The following ANGPTL3 variants were observed in gnomAD, a reference collection of about 807,000 sequenced individuals.
ANGPTL3 encodes the protein angiopoietin like 3.
ANGPTL3 carries 51 observed loss-of-function variants against 52.7 expected under a neutral mutation model. The observed-to-expected ratio is 0.97, with a 90% confidence interval of 0.77 to 1.22. ANGPTL3 has a LOEUF of 1.22. Among genes scored for constraint, ANGPTL3 ranks in the 50% most tolerant of loss-of-function variants. The probability of loss-of-function intolerance (pLI) is 0.00; values close to 1 mark genes in which losing one functional copy is unlikely to be tolerated. For synonymous variants in ANGPTL3, 185 were observed against 179.8 expected (o/e 1.03, Z -0.23); for missense variants, 506 against 520.7 (o/e 0.97, Z 0.27).
Position 62,604,614 on chromosome 1 carries a change from G to A in ANGPTL3, c.1199-19G>A, listed in dbSNP as rs1274142655. 1.2e-6 allele frequency: 2 copies of A among 1,610,908 alleles called. No individual in the cohort carries two copies. Among genetic ancestry groups the A allele is most frequent in the Non-Finnish European group, 1.7e-6 (2 of 1,177,388 alleles). Reference sequence around the variant, plus strand: ...CATACGAGTCTGTACCCATTAAATTGCATATCTATCTCCTTTAGGAGGCTG... The same window carrying A: ...CATACGAGTCTGTACCCATTAAATTACATATCTATCTCCTTTAGGAGGCTG... On this transcript the variant is annotated intron_variant, in intron 6 of 6. Coordinates refer to ENST00000371129, the MANE Select transcript of ANGPTL3 (RefSeq NM_014495.4).
rs1650164895 is a variant in ANGPTL3 at position 62,601,822 on chromosome 1, ATGT to A, written c.776_778del (p.Met259_Tyr260delinsAsn). 6.2e-7 allele frequency: 1 copy of A among 1,610,302 alleles called. No individual in the cohort carries two copies. Among genetic ancestry groups the A allele is most frequent in the African/African-American group, 1.3e-5 (1 of 74,774 alleles). On this transcript the variant is annotated inframe_deletion, in exon 4 of 7. Transcript: ENST00000371129. ...TAACAGAGGTGAACATACAAGTGGC[ATGT>A]ATGCCATCAGACCCAGCAACTCTCA...
intron 3 of ANGPTL3, among the ~76,000 whole-genome samples, 173 bp from the exon 4 acceptor site, chr1:62,601,596 A>C (rs1650130610): frequency 6.6e-6 from 1 of 151,696 alleles, no homozygotes; most frequent in South Asian, 2.1e-4. Flanking sequence ...GTTTGGTAAG[A>C]TGATTCTTAC....
intron 2 of ANGPTL3, 79 bp downstream of exon 2, chr1:62,598,885 C>G (rs1649693647): frequency 3.5e-6 from 3 of 868,104 alleles, no homozygotes; most frequent in Non-Finnish European, 5.7e-6. Context: ...TATTTACAAG[C>G]TTTAACTGGA....
At chr1:62,598,426 T>C (rs1649614909) in intron 1 of ANGPTL3, among the ~76,000 whole-genome samples, 1 of 151,976 alleles carries the variant, frequency 6.6e-6, no homozygotes, top group Non-Finnish European at 1.5e-5. Flanking sequence ...ATACAGTAAA[T>C]GGAAAAGATT....
intron 2 of ANGPTL3, among the ~76,000 whole-genome samples, chr1:62,599,466 T>C (rs1318766080): frequency 6.6e-6 from 1 of 152,034 alleles, no homozygotes; most frequent in Admixed American, 6.6e-5. Context: ...CCTGGTCCCA[T>C]CCCTGAAAAC....
Position 62,597,806 on chromosome 1 carries a change from G to C in ANGPTL3, c.240G>C (p.Gln80His). ...TTCAAAAACTCAACATATTTGATCA[G>C]TCTTTTTATGATCTATCGCTGCAAA... ...DIFQKLNIFD[Q>H]SFYDLSLQTS... Residue 80 changes from glutamine to histidine, a missense_variant, in exon 1 of 7, where the codon CAG becomes CAC. Coordinates refer to ENST00000371129, the MANE Select transcript of ANGPTL3 (RefSeq NM_014495.4). 6.2e-7 allele frequency: 1 copy of C among 1,613,372 alleles called. No individual in the cohort carries two copies. The highest frequency in any genetic ancestry group is 8.5e-7 in the Non-Finnish European group (1 of 1,179,590).
Position 62,602,367 on chromosome 1 carries a change from T to C in ANGPTL3, c.918T>C (p.Phe306=), listed in dbSNP as rs993301354. 4 of 1,610,624 alleles carry C rather than the reference T, an allele frequency of 2.5e-6. No individual in the cohort carries two copies. The highest frequency in any genetic ancestry group is 3.4e-6 in the Non-Finnish European group (4 of 1,177,530). ...NETWENYKYG[F]GRLDGEFWLG... is the part of the protein sequence containing the mutation. Reference sequence around the variant, plus strand: ...CGTGGGAGAACTACAAATATGGTTTTGGGAGGCTTGATGGTAAGGGGACTA... The same window carrying C: ...CGTGGGAGAACTACAAATATGGTTTCGGGAGGCTTGATGGTAAGGGGACTA... Residue 306 remains phenylalanine, a synonymous_variant, in exon 5 of 7, where the codon TTT becomes TTC. Transcript: ENST00000371129.
Position 62,601,870 on chromosome 1 carries a change from GATGTT to G in ANGPTL3, c.826_830del (p.Val276IlefsTer3). ...CTCTCAAGTTTTTCATGTCTACTGTGATGTTATATCAGGTAAAACCTGTCTAAGGA... is the reference window on the plus strand; with the variant it reads ...CTCTCAAGTTTTTCATGTCTACTGTGATATCAGGTAAAACCTGTCTAAGGA... On this transcript the variant is annotated frameshift_variant, in exon 4 of 7. Coordinates refer to ENST00000371129, the MANE Select transcript of ANGPTL3 (RefSeq NM_014495.4). LOFTEE classifies it high-confidence loss of function. 1 of 1,605,922 alleles carries G rather than the reference GATGTT, an allele frequency of 6.2e-7. No individual in the cohort carries two copies. The highest frequency in any genetic ancestry group is 8.5e-7 in the Non-Finnish European group (1 of 1,173,672).
chr1:62,597,611 T>C lies in ANGPTL3; in HGVS notation c.45T>C (p.Ile15=), dbSNP rs982453920. The change falls in exon 1 of 7, where the codon ATT becomes ATC. Residue 15 remains isoleucine, a synonymous_variant. Transcript: ENST00000371129. ...KLLLFIVPLV[I]SSRIDQDNSS... ...TTCTTTTTATTGTTCCTCTAGTTAT[T>C]TCCTCCAGAATTGATCAAGACAATT... 5.6e-6 allele frequency: 9 copies of C among 1,612,644 alleles called. No individual in the cohort carries two copies. In the African/African-American group the frequency reaches 1.2e-4, roughly 22 times the overall value.
chr1:62,602,421 T>C, intron 5 of ANGPTL3, 41 bp downstream of exon 5: 1 of 1,545,962 alleles, frequency 6.5e-7, no homozygotes, highest in Non-Finnish European at 8.9e-7. Context: ...CTTGCTAATC[T>C]ACAAATATTT....
Position 62,602,334 on chromosome 1 carries a change from C to A in ANGPTL3, c.885C>A (p.Phe295Leu), listed in dbSNP as rs753987292. Residue 295 changes from phenylalanine (F) to leucine (L), a missense_variant, in exon 5 of 7, where the codon TTC becomes TTA. Transcript: ENST00000371129. The stretch of plus-strand genomic sequence containing the variant: ...ATCGAATAGATGGATCACAAAACTT[C>A]AATGAAACGTGGGAGAACTACAAAT... ...IQHRIDGSQN[F>L]NETWENYKYG... 6.2e-7 allele frequency: 1 copy of A among 1,610,874 alleles called. No individual in the cohort carries two copies. The highest frequency in any genetic ancestry group is 8.5e-7 in the Non-Finnish European group (1 of 1,177,732).
intron 6 of ANGPTL3, 148 bp from the exon 7 acceptor site, chr1:62,604,485 G>T: frequency 1.1e-6 from 1 of 937,390 alleles, no homozygotes; most frequent in Admixed American, 2.7e-5. Context: ...TTTAAAATTG[G>T]GACTTATACA....
chr1:62,601,249 A>G, intron 3 of ANGPTL3, 53 bp downstream of exon 3: 9 of 1,218,604 alleles, frequency 7.4e-6, no homozygotes, highest in Non-Finnish European at 9.7e-6. Context: ...CAAATTCCCT[A>G]TTCTTAGGAC....
chr1:62,601,803 A>G lies in ANGPTL3; in HGVS notation c.756A>G (p.Arg252=). The change falls in exon 4 of 7, where the codon AGA becomes AGG. Residue 252 remains arginine, a synonymous_variant. Coordinates refer to ENST00000371129, the MANE Select transcript of ANGPTL3 (RefSeq NM_014495.4). ...IPAECTTIYN[R]GEHTSGMYAI... is the part of the protein sequence containing the mutation. The stretch of plus-strand genomic sequence containing the variant: ...CTGAATGTACCACCATTTATAACAG[A>G]GGTGAACATACAAGTGGCATGTATG... 1 of 1,609,866 alleles carries G rather than the reference A, an allele frequency of 6.2e-7. No individual in the cohort carries two copies. The highest frequency in any genetic ancestry group is 8.5e-7 in the Non-Finnish European group (1 of 1,177,052).
Position 62,605,321 on chromosome 1 carries a change from T to C in ANGPTL3, c.*504T>C, listed in dbSNP as rs1650829189. 6.6e-6 allele frequency: 1 copy of C among 152,446 alleles called. No homozygotes were observed. The highest frequency in any genetic ancestry group is 2.1e-4 in the South Asian group (1 of 4,852). 9.4% of individuals were successfully genotyped at this position (152,446 alleles called of 1,614,324 possible). A position where few individuals can be genotyped will look rare whatever the true frequency, so the allele number is the denominator to read the frequency against. On this transcript the variant is annotated 3_prime_UTR_variant, in exon 7 of 7. Coordinates refer to ENST00000371129, the MANE Select transcript of ANGPTL3 (RefSeq NM_014495.4). ...ACAGAGTATGTGTAAAAATCTGTAA[T>C]ACAAATTTTTAAACTGATGCTTCAT...
Position 62,598,824 on chromosome 1 carries a change from T to C in ANGPTL3, c.606+18T>C. On this transcript the variant is annotated intron_variant, in intron 2 of 6. Transcript: ENST00000371129. ...AAAATCAGGTAAGTCAGTATTTTAA[T>C]GGTATGTCCCATCTTTCACACAGGT... 1 of 1,430,338 alleles carries C rather than the reference T, an allele frequency of 7.0e-7. No homozygotes were observed. The highest frequency in any genetic ancestry group is 9.9e-7 in the Non-Finnish European group (1 of 1,013,980). The allele number at this position is 1,430,338 out of a possible 1,614,324, so 88.6% of individuals were successfully genotyped here. A position where few individuals can be genotyped will look rare whatever the true frequency, so the allele number is the denominator to read the frequency against.
chr1:62,605,015 C>G lies in ANGPTL3; in HGVS notation c.*198C>G. 1.8e-6 allele frequency: 1 copy of G among 556,060 alleles called. No individual in the cohort carries two copies. Among genetic ancestry groups the G allele is most frequent in the Non-Finnish European group, 3.1e-6 (1 of 321,114 alleles). 34.4% of individuals were successfully genotyped at this position (556,060 alleles called of 1,614,324 possible). A position where few individuals can be genotyped will look rare whatever the true frequency, so the allele number is the denominator to read the frequency against. On this transcript the variant is annotated 3_prime_UTR_variant, in exon 7 of 7. Coordinates refer to ENST00000371129, the MANE Select transcript of ANGPTL3 (RefSeq NM_014495.4). ...CCGTTTACATTTCTCAATCAAAATT[C>G]TTATAATACTATTTGTTTTAAATTT...
At chr1:62,604,258 C>T (rs200389526) in intron 6 of ANGPTL3, 23 bp downstream of exon 6, 2 of 1,611,254 alleles carry the variant, frequency 1.2e-6, no homozygotes, top group South Asian at 2.2e-5. Flanking sequence ...GATACCAATA[C>T]TTTATTTTCA....
At chr1:62,601,622 G>A (rs888937233) in intron 3 of ANGPTL3, 147 bp from the exon 4 acceptor site, 6 of 566,898 alleles carry the variant, frequency 1.1e-5, no homozygotes, top group African/African-American at 3.8e-5. Context: ...TAAATAACAC[G>A]CCATCTAAGA....
Sources: gnomAD v4.1 joint callset for allele counts (sites outside exome capture counted in the v4.1 genomes callset) on GRCh38, gnomAD v4.1.1 for gene constraint, MANE v1.5 for transcripts, NCBI Gene and HGNC (gene_info 2026-07-23, HGNC 2026-07-21) for gene names.